The following AXDND1 variants were observed in gnomAD, a reference collection of about 807,000 sequenced individuals.
AXDND1 encodes axonemal dynein light chain domain containing 1, also known as axonemal dynein light chain domain-containing protein 1.
AXDND1 carries 110 observed loss-of-function variants against 137.5 expected under a neutral mutation model. That is an observed-to-expected ratio of 0.80 (90% confidence interval 0.69 to 0.94). The LOEUF (loss-of-function observed/expected upper bound fraction) is 0.94, where lower values mean the gene tolerates loss of function less well. AXDND1 is among the 40% of genes least tolerant of loss of function. The probability of loss-of-function intolerance (pLI) is 0.00; values close to 1 mark genes in which losing one functional copy is unlikely to be tolerated. For missense variants in AXDND1, 1,191 were observed against 1,169.8 expected (o/e 1.02, Z -0.26); for synonymous variants, 414 against 399.7 (o/e 1.04, Z -0.43).
intron 25 of AXDND1, chr1:179,551,520 T>C (rs760790882): frequency 3.8e-6 from 6 of 1,581,780 alleles, no homozygotes; most frequent in Non-Finnish European, 5.2e-6. Context: ...CTATGCAGTA[T>C]GACTCAGCAG....
At chr1:179,404,091 A>G (rs1243747375) in intron 11 of AXDND1, among the ~76,000 whole-genome samples, 3 of 152,146 alleles carry the variant, frequency 2.0e-5, no homozygotes, top group Non-Finnish European at 2.9e-5. Flanking sequence ...TTAGCTTTTT[A>G]TAATACATTT....
chr1:179,450,888 T>A (rs1054607502), intron 16 of AXDND1: 3 of 152,256 alleles, frequency 2.0e-5, no homozygotes, highest in Non-Finnish European at 2.9e-5. Context: ...CACACCACTT[T>A]ACTCCAGCCT....
intron 12 of AXDND1, among the ~76,000 whole-genome samples, chr1:179,418,005 T>TTTATTTATTTATTTA (rs1558148039): frequency 1.7e-4 from 25 of 150,554 alleles, no homozygotes; most frequent in Admixed American, 1.1e-3. Context: ...TTATTTATTT[T>TTTATTTATTTATTTA]TTTATTGATC....
rs560136341 is a variant in AXDND1 at position 179,394,785 on chromosome 1, T to C, written c.1005-313T>C. 4.6e-5 allele frequency among the ~76,000 whole-genome samples: 7 copies of C among 152,244 alleles called. No homozygotes were observed. The South Asian group carries it at 1.4e-3, about 32-fold the overall frequency. Reference sequence around the variant, plus strand: ...AGTGGTGAGAATAAAGAAGATAGGATAGTCATATCAGAAAGCAGGGTAGAC... The same window carrying C: ...AGTGGTGAGAATAAAGAAGATAGGACAGTCATATCAGAAAGCAGGGTAGAC... On this transcript the variant is annotated intron_variant, in intron 10 of 25. Coordinates refer to ENST00000367618, the MANE Select transcript of AXDND1 (RefSeq NM_144696.6).
chr1:179,482,162 G>T (rs1427069701), intron 17 of AXDND1, among the ~76,000 whole-genome samples: 1 of 141,420 alleles, frequency 7.1e-6, no homozygotes, highest in African/African-American at 2.7e-5. Flanking sequence ...CTGAGCTAGG[G>T]CTCTAGAGCT....
intron 4 of AXDND1, among the ~76,000 whole-genome samples, chr1:179,373,009 T>C (rs1054044393): frequency 6.6e-6 from 1 of 152,200 alleles, no homozygotes; most frequent in Non-Finnish European, 1.5e-5. Flanking sequence ...TAAAAAATTA[T>C]ATTTCAACAA....
At chr1:179,441,094 A>T (rs114947617) in intron 15 of AXDND1, among the ~76,000 whole-genome samples, 67 of 152,280 alleles carry the variant, frequency 4.4e-4, no homozygotes, top group African/African-American at 1.5e-3. Context: ...TGAGGTCTGG[A>T]CTAGGAATAC....
intron 25 of AXDND1, chr1:179,551,508 C>A: frequency 6.2e-7 from 1 of 1,601,160 alleles, no homozygotes; most frequent in Non-Finnish European, 8.5e-7. Context: ...AAGGCTTCAC[C>A]ACTATGCAGT....
chr1:179,441,305 T>A (rs1016740069), intron 15 of AXDND1, among the ~76,000 whole-genome samples: 7 of 152,230 alleles, frequency 4.6e-5, no homozygotes, highest in Non-Finnish European at 8.8e-5. Context: ...GCATTCCTTT[T>A]TAAAATGTCC....
intron 25 of AXDND1, among the ~76,000 whole-genome samples, chr1:179,546,929 G>C (rs966697260): frequency 6.6e-6 from 1 of 152,170 alleles, no homozygotes; most frequent in African/African-American, 2.4e-5. Context: ...CAGGTCACTT[G>C]TCTGCTACCT....
Position 179,368,905 on chromosome 1 carries a change from C to T in AXDND1, c.203C>T (p.Thr68Ile), listed in dbSNP as rs772229519. 1.8e-5 allele frequency: 29 copies of T among 1,613,988 alleles called. No individual in the cohort carries two copies. Among genetic ancestry groups the T allele is most frequent in the Non-Finnish European group, 2.5e-5 (29 of 1,179,902 alleles). Residue 68 changes from threonine to isoleucine, a missense_variant, in exon 3 of 26, where the codon ACC becomes ATC. Coordinates refer to ENST00000367618, the MANE Select transcript of AXDND1 (RefSeq NM_144696.6). ...FIPKEVLLSL[T>I]YAANAGPCPE... ...CCCAAAGAAGTTCTTCTTTCTCTGACCTATGCGGCCAATGCTGGTCCTTGT... is the reference window on the plus strand; with the variant it reads ...CCCAAAGAAGTTCTTCTTTCTCTGATCTATGCGGCCAATGCTGGTCCTTGT...
At chr1:179,396,634 C>T (rs1003373609) in intron 11 of AXDND1, among the ~76,000 whole-genome samples, 7 of 150,792 alleles carry the variant, frequency 4.6e-5, no homozygotes, top group Middle Eastern at 3.4e-3. Flanking sequence ...CTAGCCTGGG[C>T]GACAGAGCAA....
Position 179,554,688 on chromosome 1 carries a change from G to T in AXDND1, c.*169G>T, listed in dbSNP as rs570529892. Reference sequence around the variant, plus strand: ...TTAACTTCACAGTGCCTTGCAAAGAGTTGTTTAACTTGCATGGTGCCACCC... The same window carrying T: ...TTAACTTCACAGTGCCTTGCAAAGATTTGTTTAACTTGCATGGTGCCACCC... On this transcript the variant is annotated 3_prime_UTR_variant, in exon 26 of 26. Transcript: ENST00000367618. The T allele has an allele frequency of 3.0e-6, 3 of 998,120 alleles. No homozygotes were observed. The highest frequency in any genetic ancestry group is 3.2e-5 in the African/African-American group (2 of 62,346). 61.8% of individuals were successfully genotyped at this position (998,120 alleles called of 1,614,324 possible). A position where few individuals can be genotyped will look rare whatever the true frequency, so the allele number is the denominator to read the frequency against.
At chr1:179,502,926 T>C (rs111926681) in intron 20 of AXDND1, among the ~76,000 whole-genome samples, 19 of 151,750 alleles carry the variant, frequency 1.3e-4, no homozygotes, top group African/African-American at 4.1e-4. Context: ...AGAGACCCCG[T>C]CTCTACTGAA....
intron 21 of AXDND1, among the ~76,000 whole-genome samples, chr1:179,516,015 A>G (rs1461537141): frequency 1.3e-5 from 2 of 152,220 alleles, no homozygotes; most frequent in Non-Finnish European, 2.9e-5. Context: ...GCAAAAGGTT[A>G]TATCATATAG....
chr1:179,552,758 C>G, intron 25 of AXDND1: 1 of 1,093,958 alleles, frequency 9.1e-7, no homozygotes, highest in Non-Finnish European at 1.4e-6. Context: ...GACTTGCAAG[C>G]CTCTCTACTG....
chr1:179,541,033 C>A (rs1672085530), intron 25 of AXDND1, among the ~76,000 whole-genome samples: 1 of 152,242 alleles, frequency 6.6e-6, no homozygotes, highest in Non-Finnish European at 1.5e-5. Context: ...CCCGACCAAG[C>A]TCCAGCATCC....
chr1:179,385,645 G>A (rs1461756212), intron 9 of AXDND1, among the ~76,000 whole-genome samples: 1 of 152,212 alleles, frequency 6.6e-6, no homozygotes, highest in African/African-American at 2.4e-5. Context: ...AGCTCCCTGG[G>A]GAGAAGCAGC....
At chr1:179,475,414 A>G (rs6671451) in intron 17 of AXDND1, among the ~76,000 whole-genome samples, 83,578 of 152,158 alleles carry the variant, frequency 0.55, 23,273 homozygotes, top group East Asian at 0.76. Context: ...GCCCAGGCCT[A>G]TGGGAATGCA....
Sources: gnomAD v4.1 joint callset for allele counts (sites outside exome capture counted in the v4.1 genomes callset) on GRCh38, gnomAD v4.1.1 for gene constraint, MANE v1.5 for transcripts, NCBI Gene and HGNC (gene_info 2026-07-23, HGNC 2026-07-21) for gene names.